Variants in PCP4 observed in about 807,000 individuals in gnomAD.
The protein encoded by PCP4 is Purkinje cell protein 4, also known as calmodulin regulator protein PCP4.
In PCP4, 8 loss-of-function variants were observed where a neutral mutation model predicts 10.0. The ratio of observed to expected loss-of-function variants is 0.80; its 90% confidence interval spans 0.47 to 1.45. PCP4 has a LOEUF of 1.45. Among genes scored for constraint, PCP4 ranks in the 40% most tolerant of loss-of-function variants. The pLI is 0.00. For missense variants in PCP4, 54 were observed against 74.4 expected (o/e 0.73, Z 1.01); for synonymous variants, 21 against 23.0 (o/e 0.91, Z 0.24).
chr21:39,908,124 C>G (rs967393963), intron 2 of PCP4, among the ~76,000 whole-genome samples: 1 of 152,050 alleles, frequency 6.6e-6, no homozygotes, highest in Admixed American at 6.5e-5. Flanking sequence ...AAAAAAAAAG[C>G]AAGAAAAGTG....
intron 1 of PCP4, among the ~76,000 whole-genome samples, chr21:39,890,319 C>T (rs1353345126): frequency 6.6e-6 from 1 of 152,176 alleles, no homozygotes; most frequent in Non-Finnish European, 1.5e-5. Context: ...ATCGGTCATT[C>T]CAATCCTGTC....
intron 1 of PCP4, among the ~76,000 whole-genome samples, chr21:39,885,370 C>T (rs1601174423): frequency 1.3e-5 from 2 of 152,308 alleles, no homozygotes; most frequent in African/African-American, 2.4e-5. Context: ...TGAGGCCCAG[C>T]GGAGCTCCCG....
chr21:39,885,237 A>G (rs1430003620), intron 1 of PCP4, among the ~76,000 whole-genome samples: 1 of 152,164 alleles, frequency 6.6e-6, no homozygotes, highest in African/African-American at 2.4e-5. Context: ...TCAAACTGAC[A>G]CTGAGCAAGC....
chr21:39,881,002 C>T lies in PCP4; in HGVS notation c.9+13492C>T, dbSNP rs530429316. 2.0e-3 allele frequency among the ~76,000 whole-genome samples: 307 copies of T among 152,072 alleles called. 5 individuals carry two copies. The highest frequency in any genetic ancestry group is 3.9e-3 in the Non-Finnish European group (263 of 68,016). ...TGAGTTGGTTGTTCGTATTGGTGGT[C>T]GTGTGTGCATTTTATTTTTTTTTGT... On this transcript the variant is annotated intron_variant, in intron 1 of 2. Coordinates refer to ENST00000328619, the MANE Select transcript of PCP4 (RefSeq NM_006198.3).
chr21:39,884,580 T>C (rs1318101896), intron 1 of PCP4, among the ~76,000 whole-genome samples: 2 of 152,032 alleles, frequency 1.3e-5, no homozygotes, highest in East Asian at 3.9e-4. Flanking sequence ...GCAGGTCACC[T>C]GAGGTCAGGA....
At chr21:39,914,104 CA>C (rs1456085155) in intron 2 of PCP4, among the ~76,000 whole-genome samples, 1 of 152,234 alleles carries the variant, frequency 6.6e-6, no homozygotes, top group Non-Finnish European at 1.5e-5. Context: ...CCAGAGTACC[CA>C]CTTTTGAAAG....
intron 1 of PCP4, among the ~76,000 whole-genome samples, chr21:39,875,366 T>C (rs768715614): frequency 6.6e-6 from 1 of 152,142 alleles, no homozygotes; most frequent in Admixed American, 6.5e-5. Context: ...TCCTCATCTC[T>C]GAGGGGTGAC....
intron 2 of PCP4, among the ~76,000 whole-genome samples, chr21:39,927,278 T>TGATC (rs1232109682): frequency 3.0e-4 from 39 of 129,876 alleles, no homozygotes; most frequent in Admixed American, 3.1e-4. Flanking sequence ...TCTGTCTCTC[T>TGATC]GATCTATCTA....
chr21:39,890,813 A>T (rs1174977373), intron 1 of PCP4, among the ~76,000 whole-genome samples: 2 of 152,142 alleles, frequency 1.3e-5, no homozygotes, highest in Non-Finnish European at 2.9e-5. Context: ...TGCTTGCCTT[A>T]TCCAGTGGTG....
intron 1 of PCP4, among the ~76,000 whole-genome samples, chr21:39,887,347 T>TG (rs1555847487): frequency 7.1e-6 from 1 of 141,520 alleles, no homozygotes; most frequent in Non-Finnish European, 1.5e-5. Context: ...ACTTTTTTTT[T>TG]GTTTTTTGGT....
At chr21:39,922,418 T>C (rs2087600983) in intron 2 of PCP4, among the ~76,000 whole-genome samples, 1 of 152,090 alleles carries the variant, frequency 6.6e-6, no homozygotes, top group African/African-American at 2.4e-5. Context: ...TCAGTTTCTG[T>C]GGGGGAAAGG....
intron 2 of PCP4, among the ~76,000 whole-genome samples, chr21:39,903,398 G>A (rs977912227): frequency 6.8e-6 from 1 of 147,990 alleles, no homozygotes; most frequent in African/African-American, 2.6e-5. Flanking sequence ...TGCTACAGAG[G>A]AAAGGTATTA....
chr21:39,871,856 AT>A (rs769423236), intron 1 of PCP4, among the ~76,000 whole-genome samples: 27 of 151,480 alleles, frequency 1.8e-4, no homozygotes, highest in South Asian at 6.3e-4. Context: ...CAAGATGTAT[AT>A]TTTTTTTTCA....
chr21:39,871,854 A>G (rs920673668), intron 1 of PCP4, among the ~76,000 whole-genome samples: 5 of 152,212 alleles, frequency 3.3e-5, no homozygotes, highest in African/African-American at 1.2e-4. Context: ...TGCAAGATGT[A>G]TATTTTTTTT....
intron 1 of PCP4, among the ~76,000 whole-genome samples, chr21:39,896,676 T>C (rs751102480): frequency 1.2e-4 from 18 of 152,228 alleles, no homozygotes; most frequent in Non-Finnish European, 2.2e-4. Context: ...TGGTTCACTT[T>C]GTTAATATAA....
intron 2 of PCP4, among the ~76,000 whole-genome samples, chr21:39,902,762 G>C (rs2087487207): frequency 6.6e-6 from 1 of 152,044 alleles, no homozygotes; most frequent in Non-Finnish European, 1.5e-5. Flanking sequence ...AAACGTTTCA[G>C]GGCTTGGAGG....
At chr21:39,868,642 C>A (rs1381662252) in intron 1 of PCP4, among the ~76,000 whole-genome samples, 2 of 152,208 alleles carry the variant, frequency 1.3e-5, no homozygotes, top group Non-Finnish European at 2.9e-5. Flanking sequence ...CAGTGTCAGG[C>A]TGTCTCTGCA....
chr21:39,885,303 G>A (rs537977222), intron 1 of PCP4, among the ~76,000 whole-genome samples: 3 of 152,206 alleles, frequency 2.0e-5, no homozygotes, highest in Non-Finnish European at 4.4e-5. Context: ...GGGGAGCCAG[G>A]GCTGTGGGAG....
chr21:39,871,583 G>A (rs746533959), intron 1 of PCP4, among the ~76,000 whole-genome samples: 2 of 152,190 alleles, frequency 1.3e-5, no homozygotes, highest in Non-Finnish European at 2.9e-5. Flanking sequence ...TTTTAGTTTC[G>A]TTGGACAACA....
Sources: allele counts gnomAD v4.1 joint callset (sites outside exome capture counted in the v4.1 genomes callset), GRCh38; gene constraint gnomAD v4.1.1; transcripts MANE v1.5; gene names NCBI Gene and HGNC (gene_info 2026-07-23, HGNC 2026-07-21).